Variants in SH3TC1 observed in about 807,000 individuals in gnomAD.
The protein encoded by SH3TC1 is SH3 domain and tetratricopeptide repeats 1.
A neutral mutation model predicts 117.3 loss-of-function variants in SH3TC1; 135 were observed. The observed-to-expected ratio is 1.15, with a 90% CI of 1.00 to 1.33. SH3TC1 has a LOEUF of 1.33. Among genes scored for constraint, SH3TC1 ranks in the 40% most tolerant of loss-of-function variants. The probability of loss-of-function intolerance (pLI) is 0.00; values close to 1 mark genes in which losing one functional copy is unlikely to be tolerated. For missense variants in SH3TC1, 2,092 were observed against 1,794.3 expected (o/e 1.17, Z -3.00); for synonymous variants, 898 against 816.9 (o/e 1.10, Z -1.69).
In SH3TC1 at chr4:8,236,429, G is replaced by A; in HGVS notation, c.3556+1G>A. 1 of 1,459,072 alleles carries A rather than the reference G, an allele frequency of 6.9e-7. No individual in the cohort carries two copies. The highest frequency in any genetic ancestry group is 9.1e-7 in the Non-Finnish European group (1 of 1,096,900). The allele number at this position is 1,459,072 out of a possible 1,614,324, so 90.4% of individuals were successfully genotyped here. A position where few individuals can be genotyped will look rare whatever the true frequency, so the allele number is the denominator to read the frequency against. On this transcript the variant is annotated splice_donor_variant, in intron 16 of 17. Coordinates refer to ENST00000245105, the MANE Select transcript of SH3TC1 (RefSeq NM_018986.5). LOFTEE classifies it high-confidence loss of function. Reference sequence around the variant, plus strand: ...GCCCTAGCACTCAGCATCACCCTGGGTAAGCCCCCTGAGCCCCTGCCCTGC... The same window carrying A: ...GCCCTAGCACTCAGCATCACCCTGGATAAGCCCCCTGAGCCCCTGCCCTGC...
rs192404410 is a variant in SH3TC1, at chr4:8,212,270, G to A, written c.248-431G>A. Among the ~76,000 whole-genome samples the A allele has an allele frequency of 6.6e-5, 10 of 151,004 alleles. No homozygotes were observed. In the East Asian group the frequency reaches 9.6e-4, roughly 15 times the overall value. ...TCCCCACCTTACAGTCACCATGGGC[G>A]TGGAGGAGGAGCTTGCTAAGTGCGG... is the stretch of plus-strand genomic sequence containing the variant. On this transcript the variant is annotated intron_variant, in intron 3 of 17. Coordinates refer to ENST00000245105, the MANE Select transcript of SH3TC1 (RefSeq NM_018986.5).
At chr4:8,212,452 T>A (rs999381295) in intron 3 of SH3TC1, among the ~76,000 whole-genome samples, 11 of 152,238 alleles carry the variant, frequency 7.2e-5, no homozygotes, top group Admixed American at 7.2e-4. Context: ...AGTCCACTTG[T>A]CCCCACCACT....
intron 9 of SH3TC1, among the ~76,000 whole-genome samples, chr4:8,222,296 C>T (rs992986227): frequency 5.4e-5 from 8 of 147,970 alleles, no homozygotes; most frequent in Non-Finnish European, 1.0e-4. Flanking sequence ...GCATCTGTTT[C>T]AGCCTTTCCT....
intron 17 of SH3TC1, among the ~76,000 whole-genome samples, chr4:8,238,454 C>G (rs1041935679): frequency 6.6e-6 from 1 of 152,212 alleles, no homozygotes; most frequent in Non-Finnish European, 1.5e-5. Flanking sequence ...CAGCATCACA[C>G]TGGCACTGCA....
chr4:8,223,328 A>G (rs1028925469), intron 10 of SH3TC1, among the ~76,000 whole-genome samples: 6 of 152,236 alleles, frequency 3.9e-5, no homozygotes, highest in Non-Finnish European at 8.8e-5. Context: ...CCCTCTGCCC[A>G]CTGCACTTTG....
chr4:8,194,725 G>T (rs979399094), upstream of SH3TC1, among the ~76,000 whole-genome samples: 2 of 152,232 alleles, frequency 1.3e-5, no homozygotes, highest in Non-Finnish European at 2.9e-5. Flanking sequence ...GATCAGGAAA[G>T]GGACAGAGGA....
rs745786212 is a variant in SH3TC1, at chr4:8,227,856, G to T, written c.2162G>T (p.Cys721Phe). ...LLLADIYSRK[C>F]LPHLVLSCVK... ...CTGGCTGACATCTACAGCCGCAAGTGCCTGCCCCACCTGGTGCTGAGCTGT... is the reference window on the plus strand; with the variant it reads ...CTGGCTGACATCTACAGCCGCAAGTTCCTGCCCCACCTGGTGCTGAGCTGT... Residue 721 changes from cysteine to phenylalanine, a missense_variant, in exon 12 of 18, where the codon TGC (cysteine) becomes TTC (phenylalanine). By Grantham distance (205) the Cys-to-Phe change is radical. Transcript: ENST00000245105. 6.2e-7 allele frequency: 1 copy of T among 1,612,816 alleles called. No homozygotes were observed. Among genetic ancestry groups the T allele is most frequent in the South Asian group, 1.1e-5 (1 of 91,088 alleles).
Position 8,216,260 on chromosome 4 carries a change from G to T in SH3TC1, c.628+3G>T, listed in dbSNP as rs1326225790. On this transcript the variant is annotated splice_donor_region_variant and intron_variant, in intron 6 of 17. Transcript: ENST00000245105. ...CGAGAGCCTCCTCATCCAAGAAGGTGAGCGTTGCATGGGGTGATGGCCGAG... is the reference window on the plus strand; with the variant it reads ...CGAGAGCCTCCTCATCCAAGAAGGTTAGCGTTGCATGGGGTGATGGCCGAG... The T allele has an allele frequency of 6.2e-7, 1 of 1,612,814 alleles. No individual in the cohort carries two copies. The highest frequency in any genetic ancestry group is 8.5e-7 in the Non-Finnish European group (1 of 1,179,662).
At chr4:8,222,640 C>G (rs989185333) in intron 9 of SH3TC1, among the ~76,000 whole-genome samples, 200 bp from the exon 10 acceptor site, 1 of 151,380 alleles carries the variant, frequency 6.6e-6, no homozygotes, top group African/African-American at 2.4e-5. Flanking sequence ...TCCCAAAGTG[C>G]TGAGATTACA....
rs754306927 is a variant in SH3TC1 at position 8,205,579 on chromosome 4, G to A, written c.172+213G>A. ...GAGTCACTTGAGAGGCCAGGGCCCA[G>A]CTCGTGTTTTTCCAGGGACGCGTCA... On this transcript the variant is annotated intron_variant, in intron 2 of 17. Coordinates refer to ENST00000245105, the MANE Select transcript of SH3TC1 (RefSeq NM_018986.5). The surrounding 1 kb of genome is among the most constrained non-coding windows in gnomAD (Gnocchi z 5.4). 4 of 804,154 alleles carry A rather than the reference G, an allele frequency of 5.0e-6. No homozygotes were observed. The Admixed American group carries it at 6.8e-5, about 14-fold the overall frequency. 49.8% of individuals were successfully genotyped at this position (804,154 alleles called of 1,614,324 possible). A position where few individuals can be genotyped will look rare whatever the true frequency, so the allele number is the denominator to read the frequency against.
At chr4:8,182,957 G>C (rs1022110068) in intron 1 of SH3TC1, among the ~76,000 whole-genome samples, 1 of 152,178 alleles carries the variant, frequency 6.6e-6, no homozygotes, top group Non-Finnish European at 1.5e-5. Flanking sequence ...TTGGGAGTGG[G>C]TTTTGAAGGA....
rs573127370 is a variant in SH3TC1, at chr4:8,228,374, C to G, written c.2680C>G (p.Arg894Gly). 1.9e-6 allele frequency: 3 copies of G among 1,611,226 alleles called. No homozygotes were observed. Among genetic ancestry groups the G allele is most frequent in the South Asian group, 1.1e-5 (1 of 90,988 alleles). ...ESYYRALRVA[R>G]DLGQQRNQAV... Reference sequence around the variant, plus strand: ...CTACTACCGCGCCCTGCGGGTGGCTCGGGACCTGGGCCAGCAAAGGAACCA... The same window carrying G: ...CTACTACCGCGCCCTGCGGGTGGCTGGGGACCTGGGCCAGCAAAGGAACCA... Residue 894 changes from arginine (R) to glycine (G), a missense_variant, in exon 12 of 18, where the codon CGG (arginine) becomes GGG (glycine). Transcript: ENST00000245105.
chr4:8,238,416 C>G (rs1196162871), intron 17 of SH3TC1, among the ~76,000 whole-genome samples: 1 of 152,214 alleles, frequency 6.6e-6, no homozygotes, highest in Non-Finnish European at 1.5e-5. Context: ...GTCCCCACCC[C>G]CTTGCCCAGC....
At chr4:8,213,084 G>A (rs1718896617) in intron 4 of SH3TC1, 2 of 509,110 alleles carry the variant, frequency 3.9e-6, no homozygotes, top group Non-Finnish European at 6.9e-6. Flanking sequence ...GGGACCTCGA[G>A]CTGTCCCTTT....
chr4:8,209,946 A>G lies in SH3TC1; in HGVS notation c.247+124A>G. 1 of 962,176 alleles carries G rather than the reference A, an allele frequency of 1.0e-6. No homozygotes were observed. Among genetic ancestry groups the G allele is most frequent in the Non-Finnish European group, 1.5e-6 (1 of 647,362 alleles). The allele number at this position is 962,176 out of a possible 1,614,324, so 59.6% of individuals were successfully genotyped here. A position where few individuals can be genotyped will look rare whatever the true frequency, so the allele number is the denominator to read the frequency against. The stretch of plus-strand genomic sequence containing the variant: ...GCCTCAGACTTCCCACCTTAAAATC[A>G]TGATGGGAATAGAAAGAAGGGTTTG... On this transcript the variant is annotated intron_variant, in intron 3 of 17. Transcript: ENST00000245105. This position sits in a 1 kb window ranked among gnomAD's most constrained non-coding sequence, Gnocchi z 5.9.
rs1001858703 is a variant in SH3TC1, at chr4:8,232,134, T to C, written c.3109T>C (p.Tyr1037His). Reference protein sequence around the residue: ...GQLLETISQLYLSLGTERAYK... With the variant: ...GQLLETISQLHLSLGTERAYK... ...GCTCCTGGAGACCATCAGCCAGCTC[T>C]ACCTGTCCCTGGGCACCGAGCGGTG... Residue 1037 changes from tyrosine to histidine, a missense_variant, in exon 13 of 18, where the codon TAC becomes CAC. Physicochemically the swap from Tyr to His is moderately conservative, Grantham distance 83 (BLOSUM62 2). Coordinates refer to ENST00000245105, the MANE Select transcript of SH3TC1 (RefSeq NM_018986.5). 2.9e-6 allele frequency: 4 copies of C among 1,374,264 alleles called. No homozygotes were observed. Among genetic ancestry groups the C allele is most frequent in the Non-Finnish European group, 3.9e-6 (4 of 1,031,462 alleles). The allele number at this position is 1,374,264 out of a possible 1,614,324, so 85.1% of individuals were successfully genotyped here. A position where few individuals can be genotyped will look rare whatever the true frequency, so the allele number is the denominator to read the frequency against.
chr4:8,237,758 T>C, intron 17 of SH3TC1, 88 bp downstream of exon 17: 1 of 1,394,916 alleles, frequency 7.2e-7, no homozygotes, highest in Non-Finnish European at 9.6e-7. Flanking sequence ...TGTTCCAGCC[T>C]TCCTTAAGAA....
At chr4:8,207,066 A>G (rs1485371262) in intron 2 of SH3TC1, among the ~76,000 whole-genome samples, 1 of 132,450 alleles carries the variant, frequency 7.6e-6, no homozygotes, top group Non-Finnish European at 1.6e-5. Flanking sequence ...TCCCAATAAT[A>G]TCCTTTATAG....
intron 13 of SH3TC1, 197 bp downstream of exon 13, chr4:8,232,353 GCTTCC>G (rs1721313269): frequency 1.3e-6 from 2 of 1,574,312 alleles, no homozygotes; most frequent in South Asian, 2.2e-5. Flanking sequence ...CCCAGCTTGA[GCTTCC>G]CTTGTTGGGT....
Sources: gnomAD v4.1 joint callset for allele counts (sites outside exome capture counted in the v4.1 genomes callset) on GRCh38, gnomAD v4.1.1 for gene constraint, Gnocchi (gnomAD v3.1) non-coding constraint, MANE v1.5 for transcripts, NCBI Gene and HGNC (gene_info 2026-07-23, HGNC 2026-07-21) for gene names.